CPE: variants seen among roughly 807,000 people sequenced by gnomAD.
CPE encodes carboxypeptidase E.
CPE carries 17 observed loss-of-function variants against 53.5 expected under a neutral mutation model. The ratio of observed to expected loss-of-function variants is 0.32; its 90% CI spans 0.22 to 0.48. The LOEUF (loss-of-function observed/expected upper bound fraction) is 0.48, where lower values mean the gene tolerates loss of function less well. Among genes scored for constraint, CPE ranks in the 20% least tolerant of loss-of-function variants. CPE has a pLI of 0.99. For missense variants in CPE, 524 were observed against 614.7 expected (o/e 0.85, Z 1.56); for synonymous variants, 226 against 228.8 (o/e 0.99, Z 0.11).
At chr4:165,397,210 A>T (rs934598328) in intron 1 of CPE, among the ~76,000 whole-genome samples, 4 of 152,168 alleles carry the variant, frequency 2.6e-5, no homozygotes, top group Non-Finnish European at 4.4e-5. Context: ...GAGAATATGA[A>T]TGTACTATAT....
intron 3 of CPE, among the ~76,000 whole-genome samples, chr4:165,469,505 AT>A (rs1340272493): frequency 6.6e-6 from 1 of 151,972 alleles, no homozygotes. Context: ...TTTTCTAACA[AT>A]TTTATGTCTT....
chr4:165,379,392 C>A lies in CPE; in HGVS notation c.171C>A (p.Pro57=). 1 of 1,609,328 alleles carries A rather than the reference C, an allele frequency of 6.2e-7. No individual in the cohort carries two copies. ...DGISFEYHRY[P]ELREALVSVW... is the part of the protein sequence containing the mutation. ...TCTCCTTCGAGTACCACCGCTACCC[C>A]GAGCTGCGCGAGGCGCTCGTGTCCG... The change falls in exon 1 of 9, where the codon CCC becomes CCA. Residue 57 remains proline (P), a synonymous_variant. Coordinates refer to ENST00000402744, the MANE Select transcript of CPE (RefSeq NM_001873.4). This position sits in a 1 kb window ranked among gnomAD's most constrained non-coding sequence, Gnocchi z 6.0.
chr4:165,487,461 A>G lies in CPE; in HGVS notation c.997A>G (p.Ser333Gly), dbSNP rs767285994. The change falls in exon 6 of 9, where the codon AGC (serine) becomes GGC (glycine). Residue 333 changes from serine to glycine, a missense_variant. Physicochemically the swap from Ser to Gly is moderately conservative, Grantham distance 56. Transcript: ENST00000402744. Reference sequence around the variant, plus strand: ...AGGGATGCAAGACTTCAATTACCTTAGCAGCAACTGTTTTGAGATCACCGT... The same window carrying G: ...AGGGATGCAAGACTTCAATTACCTTGGCAGCAACTGTTTTGAGATCACCGT... ...PGGMQDFNYL[S>G]SNCFEITVEL... is the part of the protein sequence containing the mutation. 5.0e-6 allele frequency: 8 copies of G among 1,613,956 alleles called. No homozygotes were observed. The East Asian group carries it at 1.8e-4, about 36-fold the overall frequency.
intron 1 of CPE, among the ~76,000 whole-genome samples, chr4:165,429,892 G>C (rs1731381058): frequency 6.6e-6 from 1 of 152,190 alleles, no homozygotes; most frequent in African/African-American, 2.4e-5. Flanking sequence ...TGACTAACAG[G>C]TAAGAAACAT....
chr4:165,427,027 C>T (rs1731332684), intron 1 of CPE, among the ~76,000 whole-genome samples: 1 of 152,230 alleles, frequency 6.6e-6, no homozygotes, highest in Non-Finnish European at 1.5e-5. Context: ...TCCACCCCAT[C>T]ATACTAGTGC....
At chr4:165,420,333 C>T (rs535523683) in intron 1 of CPE, among the ~76,000 whole-genome samples, 18 of 152,156 alleles carry the variant, frequency 1.2e-4, no homozygotes, top group African/African-American at 3.9e-4. Flanking sequence ...TGGTGATATA[C>T]TTCTCATTGT....
intron 1 of CPE, among the ~76,000 whole-genome samples, chr4:165,447,428 A>G (rs4691197): frequency 0.28 from 42,585 of 151,886 alleles, 7,018 homozygotes; most frequent in African/African-American, 0.47. Context: ...AAAATTAGCC[A>G]GGCGTGGTGG....
At chr4:165,448,792 G>A (rs1284115651) in intron 1 of CPE, among the ~76,000 whole-genome samples, 1 of 152,192 alleles carries the variant, frequency 6.6e-6, no homozygotes, top group Non-Finnish European at 1.5e-5. Context: ...AAGCTAGAAT[G>A]TGGACAGTCA....
At chr4:165,410,147 G>A (rs189812632) in intron 1 of CPE, among the ~76,000 whole-genome samples, 2,756 of 151,794 alleles carry the variant, frequency 0.018, 33 homozygotes, top group African/African-American at 0.022. Context: ...TACTTGGGAG[G>A]CTGAGGCAGG....
intron 1 of CPE, among the ~76,000 whole-genome samples, chr4:165,463,011 C>T (rs1452057619): frequency 6.6e-5 from 10 of 152,032 alleles, no homozygotes; most frequent in Non-Finnish European, 8.8e-5. Flanking sequence ...AAATTGGGCC[C>T]GTGGGATGGA....
chr4:165,386,459 G>T, intron 1 of CPE: 1 of 368,566 alleles, frequency 2.7e-6, no homozygotes, highest in East Asian at 1.1e-4. Flanking sequence ...AAGCCATGTT[G>T]GTCGATGTTG....
chr4:165,482,485 C>G, intron 4 of CPE, 126 bp downstream of exon 4: 1 of 659,688 alleles, frequency 1.5e-6, no homozygotes, highest in South Asian at 2.1e-5. Context: ...GAAGAAAGAA[C>G]TATGTTTAAC....
chr4:165,474,162 T>C (rs1379233577), intron 3 of CPE, among the ~76,000 whole-genome samples: 1 of 152,248 alleles, frequency 6.6e-6, no homozygotes, highest in African/African-American at 2.4e-5. Flanking sequence ...AGCATTCCTC[T>C]TGTTTCTGCA....
intron 1 of CPE, among the ~76,000 whole-genome samples, chr4:165,392,254 AATAT>A (rs1297451250): frequency 6.8e-6 from 1 of 146,930 alleles, no homozygotes; most frequent in Non-Finnish European, 1.5e-5. Context: ...ATAGGTATAT[AATAT>A]ATATTTATAT....
At chr4:165,452,613 T>G (rs1372105901) in intron 1 of CPE, among the ~76,000 whole-genome samples, 4 of 152,132 alleles carry the variant, frequency 2.6e-5, no homozygotes, top group Non-Finnish European at 5.9e-5. Context: ...TGGGGGAAGA[T>G]CATTCATAGT....
intron 1 of CPE, among the ~76,000 whole-genome samples, chr4:165,452,762 T>C (rs1209052310): frequency 4.6e-5 from 7 of 152,170 alleles, no homozygotes; most frequent in African/African-American, 1.4e-4. Flanking sequence ...CCCTCCCAAT[T>C]ACTAGATTTT....
intron 1 of CPE, among the ~76,000 whole-genome samples, chr4:165,456,533 T>C (rs1329281151): frequency 6.6e-6 from 1 of 150,848 alleles, no homozygotes; most frequent in Non-Finnish European, 1.5e-5. Context: ...TTTGTTTCTC[T>C]CTTTCTTTGT....
intron 1 of CPE, among the ~76,000 whole-genome samples, chr4:165,394,313 A>G (rs1730730529): frequency 6.6e-6 from 1 of 152,214 alleles, no homozygotes; most frequent in Admixed American, 6.5e-5. Flanking sequence ...ACTTATTAGC[A>G]AAGATCAGAT....
chr4:165,382,021 T>C (rs890252461), intron 1 of CPE, among the ~76,000 whole-genome samples: 2 of 152,064 alleles, frequency 1.3e-5, no homozygotes, highest in Non-Finnish European at 2.9e-5. Context: ...CTGAGGGCAA[T>C]AGAGAATTGG....
Sources: gnomAD v4.1 joint callset for allele counts (sites outside exome capture counted in the v4.1 genomes callset) on GRCh38, gnomAD v4.1.1 for gene constraint, Gnocchi (gnomAD v3.1) non-coding constraint, MANE v1.5 for transcripts, NCBI Gene and HGNC (gene_info 2026-07-23, HGNC 2026-07-21) for gene names.